Variants in SORCS1 observed in about 807,000 individuals in gnomAD.
SORCS1 encodes sortilin related VPS10 domain containing receptor 1, also known as VPS10 domain-containing receptor SorCS1.
In SORCS1, 60 loss-of-function variants were observed where a neutral mutation model predicts 146.1. The ratio of observed to expected loss-of-function variants is 0.41; its 90% CI spans 0.33 to 0.51. The LOEUF (loss-of-function observed/expected upper bound fraction) is 0.51. Ranked by LOEUF, SORCS1 falls within the 20% of genes least tolerant of loss-of-function variation. The pLI, the probability that SORCS1 is intolerant of heterozygous loss-of-function variation, is 0.21. For missense variants in SORCS1, 1,352 were observed against 1,487.6 expected (o/e 0.91, Z 1.50); for synonymous variants, 637 against 584.0 (o/e 1.09, Z -1.31).
chr10:107,126,024 C>T (rs960334513), intron 1 of SORCS1, among the ~76,000 whole-genome samples: 5 of 152,148 alleles, frequency 3.3e-5, no homozygotes, highest in African/African-American at 1.2e-4. Flanking sequence ...AAACATGATT[C>T]AATCTAATTA....
At chr10:106,776,441 G>T (rs1435061060) in intron 4 of SORCS1, 93 bp downstream of exon 4, 37 of 1,505,418 alleles carry the variant, frequency 2.5e-5, no homozygotes, top group Non-Finnish European at 3.4e-5. Context: ...GAACAAAAAT[G>T]ATCACTGAGG....
intron 23 of SORCS1, among the ~76,000 whole-genome samples, chr10:106,606,753 G>T (rs1038739232): frequency 2.6e-5 from 4 of 152,156 alleles, no homozygotes; most frequent in Admixed American, 6.5e-5. Flanking sequence ...GGAGGTAACT[G>T]AATCATGGGG....
At chr10:106,588,501 C>T (rs1020035427) in intron 24 of SORCS1, among the ~76,000 whole-genome samples, 1 of 152,008 alleles carries the variant, frequency 6.6e-6, no homozygotes, top group African/African-American at 2.4e-5. Context: ...GGCTGTTGAA[C>T]AGTGGTTGTT....
chr10:107,176,241 T>TTTCC, the SORCS1 span, among the ~76,000 whole-genome samples: 19,802 of 150,398 alleles, frequency 0.13, 1,710 homozygotes, highest in African/African-American at 0.25. Context: ...CCTTCCCTGT[T>TTTCC]TTCCTTCCTT....
chr10:106,792,481 C>A (rs1946363298), intron 3 of SORCS1, among the ~76,000 whole-genome samples: 1 of 152,176 alleles, frequency 6.6e-6, no homozygotes, highest in Admixed American at 6.5e-5. Flanking sequence ...TTAGGATATT[C>A]CAACTGGAAA....
chr10:106,799,952 A>G (rs763960245), intron 3 of SORCS1, among the ~76,000 whole-genome samples: 1 of 152,182 alleles, frequency 6.6e-6, no homozygotes, highest in Non-Finnish European at 1.5e-5. Context: ...TTCCTGCAAG[A>G]AGCCTAGGAT....
At chr10:106,894,877 TG>T (rs1951404546) in intron 2 of SORCS1, among the ~76,000 whole-genome samples, 1 of 152,234 alleles carries the variant, frequency 6.6e-6, no homozygotes, top group African/African-American at 2.4e-5. Flanking sequence ...TCACAAGCCT[TG>T]GCTTTCTCAA....
intron 2 of SORCS1, among the ~76,000 whole-genome samples, chr10:106,936,465 C>T (rs1246491633): frequency 6.6e-6 from 1 of 152,180 alleles, no homozygotes; most frequent in African/African-American, 2.4e-5. Context: ...AACACCAATA[C>T]CTTCTGGCAT....
chr10:107,070,003 C>A (rs1962277618), intron 1 of SORCS1, among the ~76,000 whole-genome samples: 1 of 152,186 alleles, frequency 6.6e-6, no homozygotes, highest in South Asian at 2.1e-4. Context: ...CCCCTGAAAA[C>A]CATGAATCTA....
At chr10:106,986,416 T>C (rs1039445525) in intron 1 of SORCS1, among the ~76,000 whole-genome samples, 1 of 152,166 alleles carries the variant, frequency 6.6e-6, no homozygotes, top group African/African-American at 2.4e-5. Context: ...AGCCATACCA[T>C]AGTCAAACTG....
intron 5 of SORCS1, among the ~76,000 whole-genome samples, chr10:106,743,312 A>C (rs1857488454): frequency 6.6e-6 from 1 of 152,150 alleles, no homozygotes; most frequent in Admixed American, 6.5e-5. Flanking sequence ...CTTCGCTATG[A>C]CTATTCCACA....
chr10:106,634,927 C>T (rs74152223), intron 18 of SORCS1, among the ~76,000 whole-genome samples: 4,279 of 152,272 alleles, frequency 0.028, 173 homozygotes, highest in African/African-American at 0.097. Flanking sequence ...TTCTTCAGAT[C>T]TAATGCTCTT....
At chr10:106,703,556 C>T (rs1171280658) in intron 8 of SORCS1, among the ~76,000 whole-genome samples, 2 of 152,206 alleles carry the variant, frequency 1.3e-5, no homozygotes, top group Non-Finnish European at 2.9e-5. Context: ...TCTCCCTACC[C>T]ACTGTCATTC....
intron 1 of SORCS1, among the ~76,000 whole-genome samples, chr10:106,966,667 T>C (rs1028039670): frequency 1.3e-5 from 2 of 152,168 alleles, no homozygotes; most frequent in African/African-American, 2.4e-5. Context: ...TGGAGAGCCC[T>C]CGTGAAGAGC....
At chr10:107,158,152 T>C (rs1218422649) in intron 1 of SORCS1, among the ~76,000 whole-genome samples, 1 of 152,116 alleles carries the variant, frequency 6.6e-6, no homozygotes. Context: ...AATGAAACAA[T>C]GATGACTCCA....
intron 2 of SORCS1, among the ~76,000 whole-genome samples, chr10:106,925,195 G>GC (rs1952953317): frequency 6.8e-6 from 1 of 147,098 alleles, no homozygotes. Flanking sequence ...TCTATTGTTT[G>GC]TTTTTTTTTT....
At chr10:106,977,738 A>C (rs1956090730) in intron 1 of SORCS1, among the ~76,000 whole-genome samples, 1 of 152,134 alleles carries the variant, frequency 6.6e-6, no homozygotes, top group Non-Finnish European at 1.5e-5. Flanking sequence ...TGCATCTTTT[A>C]AATATGAGCC....
Position 106,784,087 on chromosome 10 carries a change from T to A in SORCS1, c.727-7395A>T, listed in dbSNP as rs12250834. 2.4e-3 allele frequency among the ~76,000 whole-genome samples: 370 copies of A among 152,158 alleles called. 2 individuals carry two copies. Among genetic ancestry groups the A allele is most frequent in the African/African-American group, 8.7e-3 (363 of 41,516 alleles). ...ATATTCACTAATGCTTAGCATTGGG[T>A]CATCTGGTTTAAAAAACTAAACCTG... On this transcript the variant is annotated intron_variant, in intron 3 of 25. Coordinates refer to ENST00000263054, the MANE Select transcript of SORCS1 (RefSeq NM_052918.5).
At chr10:106,873,010 T>C (rs1041512034) in intron 2 of SORCS1, among the ~76,000 whole-genome samples, 11 of 151,844 alleles carry the variant, frequency 7.2e-5, no homozygotes, top group African/African-American at 2.4e-4. Context: ...CCATCTCTAC[T>C]AAAAATACAA....
Sources: gnomAD v4.1 joint callset for allele counts (sites outside exome capture counted in the v4.1 genomes callset) on GRCh38, gnomAD v4.1.1 for gene constraint, MANE v1.5 for transcripts, NCBI Gene and HGNC (gene_info 2026-07-23, HGNC 2026-07-21) for gene names.